The following EPB41L3 variants were observed in gnomAD, a reference collection of about 807,000 sequenced individuals.
The protein encoded by EPB41L3 is erythrocyte membrane protein band 4.1 like 3, also known as band 4.1-like protein 3.
Under a neutral mutation model 127.1 loss-of-function variants are expected in EPB41L3, and 57 were observed. The observed-to-expected ratio is 0.45, with a 90% CI of 0.36 to 0.56. EPB41L3 has a LOEUF of 0.56. Ranked by LOEUF, EPB41L3 falls within the 20% of genes least tolerant of loss-of-function variation. The probability of loss-of-function intolerance (pLI) is 0.00; values close to 1 mark genes in which losing one functional copy is unlikely to be tolerated. For synonymous variants in EPB41L3, 572 were observed against 549.5 expected, an observed-to-expected ratio of 1.04 and a Z score of -0.57; for missense variants, 1,273 against 1,372.2, an observed-to-expected ratio of 0.93 and a Z score of 1.14.
chr18:5,606,712 A>G (rs1599273090), intron 3 of EPB41L3, among the ~76,000 whole-genome samples: 1 of 152,308 alleles, frequency 6.6e-6, no homozygotes, highest in East Asian at 1.9e-4. Context: ...GTCCATTAGT[A>G]AAATTACTAG....
chr18:5,513,955 G>T (rs1389764097), intron 1 of EPB41L3, among the ~76,000 whole-genome samples: 1 of 152,146 alleles, frequency 6.6e-6, no homozygotes, highest in Non-Finnish European at 1.5e-5. Flanking sequence ...AGCCAAAGCT[G>T]CATTCTAAAA....
intron 3 of EPB41L3, among the ~76,000 whole-genome samples, chr18:5,558,595 A>C (rs2094075484): frequency 6.6e-6 from 1 of 152,224 alleles, no homozygotes; most frequent in African/African-American, 2.4e-5. Flanking sequence ...GAGCCTGGTC[A>C]GTCAGAGTTG....
At chr18:5,629,147 T>G (rs1237356916), upstream of EPB41L3, among the ~76,000 whole-genome samples, 2 of 151,902 alleles carry the variant, frequency 1.3e-5, no homozygotes, top group East Asian at 3.9e-4. Context: ...CTCCCGGATT[T>G]TGAAAAACAG....
chr18:5,509,507 C>T (rs2092408488), intron 1 of EPB41L3, among the ~76,000 whole-genome samples: 1 of 152,164 alleles, frequency 6.6e-6, no homozygotes, highest in Admixed American at 6.5e-5. Context: ...ACTTTAGAAT[C>T]ACACTAATCT....
At chr18:5,530,954 C>T (rs1398555770) in intron 1 of EPB41L3, among the ~76,000 whole-genome samples, 1 of 152,148 alleles carries the variant, frequency 6.6e-6, no homozygotes, top group Non-Finnish European at 1.5e-5. Context: ...AAGATATACT[C>T]CACTGTTAGG....
intron 3 of EPB41L3, among the ~76,000 whole-genome samples, chr18:5,575,720 C>T (rs1020812166): frequency 3.9e-5 from 6 of 152,134 alleles, no homozygotes; most frequent in Admixed American, 1.3e-4. Context: ...ACCTGTAATC[C>T]CAGCTACTTG....
chr18:5,441,903 C>T (rs1360319429), intron 5 of EPB41L3, among the ~76,000 whole-genome samples: 1 of 152,082 alleles, frequency 6.6e-6, no homozygotes, highest in Non-Finnish European at 1.5e-5. Flanking sequence ...TTTTGATTGT[C>T]TTGTCCCTTT....
intron 3 of EPB41L3, among the ~76,000 whole-genome samples, chr18:5,457,550 C>T (rs543713220): frequency 3.8e-4 from 58 of 152,100 alleles, no homozygotes; most frequent in Middle Eastern, 3.4e-3. Context: ...AAGAAAAAAA[C>T]ACACACACAC....
intron 3 of EPB41L3, among the ~76,000 whole-genome samples, chr18:5,584,201 A>T (rs970464479): frequency 6.6e-6 from 1 of 152,202 alleles, no homozygotes; most frequent in African/African-American, 2.4e-5. Context: ...ATATAAGAGC[A>T]CAGCCAAGAC....
chr18:5,580,311 A>G (rs1719932), intron 3 of EPB41L3, among the ~76,000 whole-genome samples: 147,003 of 152,248 alleles, frequency 0.97, 71,179 homozygotes, highest in East Asian at 1. Context: ...ACACCCATAC[A>G]AATATGTATA....
intron 13 of EPB41L3, among the ~76,000 whole-genome samples, chr18:5,411,190 C>T (rs958974423): frequency 2.6e-5 from 4 of 152,154 alleles, no homozygotes; most frequent in Non-Finnish European, 5.9e-5. Context: ...CAGTGACTCA[C>T]AGGCATATAT....
chr18:5,516,214 T>C (rs938160127), intron 1 of EPB41L3, among the ~76,000 whole-genome samples: 3 of 152,180 alleles, frequency 2.0e-5, no homozygotes, highest in African/African-American at 7.2e-5. Context: ...TCCTGGGTGG[T>C]TGACACCTGG....
intron 1 of EPB41L3, among the ~76,000 whole-genome samples, chr18:5,510,336 A>G (rs1193075935): frequency 6.6e-6 from 1 of 152,154 alleles, no homozygotes; most frequent in Non-Finnish European, 1.5e-5. Context: ...CATAAAACCA[A>G]GCCCCATCCC....
At chr18:5,502,361 GTTCT>G (rs1465528402) in intron 1 of EPB41L3, among the ~76,000 whole-genome samples, 2 of 151,240 alleles carry the variant, frequency 1.3e-5, no homozygotes, top group Middle Eastern at 3.5e-3. Flanking sequence ...TTTTTTATAG[GTTCT>G]TTGTGTCTAG....
At position 5,416,289 on chromosome 18, in the gene EPB41L3, AC is replaced by A. The variant is rs1243204079; in HGVS notation, c.1595del (p.Cys532LeufsTer35). 6.2e-7 allele frequency: 1 copy of A among 1,614,084 alleles called. No individual in the cohort carries two copies. Among genetic ancestry groups the A allele is most frequent in the Non-Finnish European group, 8.5e-7 (1 of 1,180,014 alleles). Reference sequence around the variant, plus strand: ...CTGGCAGTTTGCAGTCATTCTCCTTACACCTCCTACGGAGCTCTGTGGGAGA... The same window carrying A: ...CTGGCAGTTTGCAGTCATTCTCCTTAACCTCCTACGGAGCTCTGTGGGAGA... Reference protein sequence around the residue: ...PTSPTELRRRCKENDCKLPGY... With the variant: ...PTSPTELRRRXKENDCKLPGY... On this transcript the variant is annotated frameshift_variant, in exon 13 of 23. Transcript: ENST00000341928. LOFTEE classifies it high-confidence loss of function.
At chr18:5,624,081 C>A (rs150898118) in intron 1 of EPB41L3, among the ~76,000 whole-genome samples, 1 of 152,312 alleles carries the variant, frequency 6.6e-6, no homozygotes, top group African/African-American at 2.4e-5. Flanking sequence ...TAGCTCACTG[C>A]AGCCTTCAGC....
At chr18:5,436,403 C>CTTTTTTT (rs34862547) in intron 6 of EPB41L3, among the ~76,000 whole-genome samples, 13 of 100,628 alleles carry the variant, frequency 1.3e-4, no homozygotes, top group Non-Finnish European at 1.6e-4. Flanking sequence ...CATTTTCTTT[C>CTTTTTTT]TTTTTTTTTT....
At chr18:5,570,768 T>C (rs1478066007) in intron 3 of EPB41L3, 2 of 152,156 alleles carry the variant, frequency 1.3e-5, no homozygotes, top group African/African-American at 2.4e-5. Flanking sequence ...CATTCTTATG[T>C]TGGGAACTTC....
intron 3 of EPB41L3, among the ~76,000 whole-genome samples, chr18:5,581,634 C>T (rs2094394580): frequency 1.3e-5 from 2 of 152,216 alleles, no homozygotes; most frequent in Admixed American, 1.3e-4. Context: ...GCCATACCCA[C>T]TCCACAGTTT....
Sources: gnomAD v4.1 joint callset for allele counts (sites outside exome capture counted in the v4.1 genomes callset) on GRCh38, gnomAD v4.1.1 for gene constraint, MANE v1.5 for transcripts, NCBI Gene and HGNC (gene_info 2026-07-23, HGNC 2026-07-21) for gene names.